The following MCTP1 variants were observed in gnomAD, a reference collection of about 807,000 sequenced individuals.
MCTP1 encodes multiple C2 and transmembrane domain-containing protein 1.
A neutral mutation model predicts 120.6 loss-of-function variants in MCTP1; 69 were observed. The ratio of observed to expected loss-of-function variants is 0.57; its 90% CI spans 0.47 to 0.70. The LOEUF (loss-of-function observed/expected upper bound fraction) is 0.70, where lower values mean the gene tolerates loss of function less well. Among genes scored for constraint, MCTP1 ranks in the 30% least tolerant of loss-of-function variants. The pLI is 0.00. For synonymous variants in MCTP1, 529 were observed against 493.1 expected (o/e 1.07, Z -0.96); for missense variants, 1,203 against 1,248.8 (o/e 0.96, Z 0.55).
chr5:94,988,739 G>A (rs982299478), intron 2 of MCTP1, among the ~76,000 whole-genome samples: 7 of 151,850 alleles, frequency 4.6e-5, no homozygotes, highest in African/African-American at 1.7e-4. Context: ...AGACATACCC[G>A]AGACTGGGGA....
Position 94,901,783 on chromosome 5 carries a change from A to G in MCTP1, c.1653-6948T>C, listed in dbSNP as rs1805616922. 2.0e-5 allele frequency among the ~76,000 whole-genome samples: 3 copies of G among 152,304 alleles called. No homozygotes were observed. In the South Asian group the frequency reaches 6.2e-4, roughly 32 times the overall value. ...TCTGCTGTCTCTGAACCAGTGACTC[A>G]TAACATTCCTTTCTAGATGAAACAG... On this transcript the variant is annotated intron_variant, in intron 10 of 22. Transcript: ENST00000515393.
intron 17 of MCTP1, among the ~76,000 whole-genome samples, chr5:94,831,995 G>T (rs74894459): frequency 0.011 from 1,639 of 152,256 alleles, 38 homozygotes; most frequent in African/African-American, 0.037. Flanking sequence ...ACGCTTCTAC[G>T]GAATCCTTTA....
At chr5:95,106,027 T>C (rs139048877) in intron 1 of MCTP1, among the ~76,000 whole-genome samples, 70 of 152,272 alleles carry the variant, frequency 4.6e-4, no homozygotes, top group African/African-American at 1.6e-3. Context: ...GTTTCAAACT[T>C]ATGGTATGTT....
At chr5:94,940,597 TAC>T (rs1203271440) in intron 4 of MCTP1, among the ~76,000 whole-genome samples, 1 of 144,482 alleles carries the variant, frequency 6.9e-6, no homozygotes, top group Admixed American at 6.9e-5. Context: ...TATATATATA[TAC>T]ACATATACAT....
At chr5:95,237,841 C>G (rs1755722704) in intron 1 of MCTP1, among the ~76,000 whole-genome samples, 1 of 151,908 alleles carries the variant, frequency 6.6e-6, no homozygotes, top group Non-Finnish European at 1.5e-5. Flanking sequence ...CTGCAAGTAG[C>G]CTAAGAAATA....
intron 1 of MCTP1, among the ~76,000 whole-genome samples, chr5:95,218,556 G>A (rs895001765): frequency 6.6e-6 from 1 of 152,158 alleles, no homozygotes; most frequent in Non-Finnish European, 1.5e-5. Flanking sequence ...TTTGGTACTA[G>A]TAGGCCTTTA....
At chr5:95,117,252 G>A (rs925143553) in intron 1 of MCTP1, among the ~76,000 whole-genome samples, 1 of 152,014 alleles carries the variant, frequency 6.6e-6, no homozygotes, top group African/African-American at 2.4e-5. Flanking sequence ...TTAGCTGGGT[G>A]TGGTGGCAGG....
rs530133635 is a variant in MCTP1 at position 95,129,381 on chromosome 5, C to T, written c.721-111897G>A. Among the ~76,000 whole-genome samples, 33 of 152,342 alleles carry T rather than the reference C, an allele frequency of 2.2e-4. No homozygotes were observed. In the South Asian group the frequency reaches 6.8e-3, roughly 32 times the overall value. On this transcript the variant is annotated intron_variant, in intron 1 of 22. Coordinates refer to ENST00000515393, the MANE Select transcript of MCTP1 (RefSeq NM_024717.7). ...TCATCACGCTTGGTCTTCATTTAGC[C>T]TCTGTCAAGAGTAGTTACCTAACCT... is the stretch of plus-strand genomic sequence containing the variant.
At chr5:94,798,965 C>T (rs1780635281) in intron 18 of MCTP1, 48 bp downstream of exon 18, 1 of 1,579,136 alleles carries the variant, frequency 6.3e-7, no homozygotes, top group South Asian at 1.2e-5. Context: ...GTCAGAGGGA[C>T]TCAGAATAAG....
chr5:94,730,754 T>C (rs937343434), intron 19 of MCTP1, among the ~76,000 whole-genome samples: 6 of 152,200 alleles, frequency 3.9e-5, no homozygotes, highest in Non-Finnish European at 5.9e-5. Flanking sequence ...TACTCATTCT[T>C]TGAGGCCTCT....
chr5:95,103,206 T>C (rs1756866098), intron 1 of MCTP1, among the ~76,000 whole-genome samples: 1 of 151,992 alleles, frequency 6.6e-6, no homozygotes, highest in South Asian at 2.1e-4. Context: ...AAGTAGAAAA[T>C]AAAGCCTAAT....
chr5:94,929,502 A>T (rs1813992477), intron 6 of MCTP1: 2 of 322,268 alleles, frequency 6.2e-6, no homozygotes, highest in South Asian at 2.5e-4. Context: ...ATTTCCAAAA[A>T]TAAAAAACGA....
In MCTP1 at chr5:95,259,805, C is replaced by T. The variant is rs567028206; in HGVS notation, c.720+24051G>A. Among the ~76,000 whole-genome samples the T allele has an allele frequency of 1.1e-4, 17 of 152,276 alleles. No homozygotes were observed. In the East Asian group the frequency reaches 2.5e-3, roughly 22 times the overall value. On this transcript the variant is annotated intron_variant, in intron 1 of 22. Coordinates refer to ENST00000515393, the MANE Select transcript of MCTP1 (RefSeq NM_024717.7). ...CTCCCCTGCCACCGGTACAATCCTG[C>T]TTCAGCAAAAAATTAAAATATTAAG...
intron 19 of MCTP1, among the ~76,000 whole-genome samples, chr5:94,734,051 T>C (rs1271275997): frequency 6.6e-6 from 1 of 152,222 alleles, no homozygotes; most frequent in Non-Finnish European, 1.5e-5. Flanking sequence ...ATTCTAGTTC[T>C]GTGATCTCTC....
chr5:95,100,985 G>A (rs1339603753), intron 1 of MCTP1, among the ~76,000 whole-genome samples: 2 of 152,114 alleles, frequency 1.3e-5, no homozygotes, highest in African/African-American at 2.4e-5. Context: ...TCTGTTGCAG[G>A]GAAAACACAA....
chr5:95,220,136 G>C (rs551258027), intron 1 of MCTP1, among the ~76,000 whole-genome samples: 1 of 152,280 alleles, frequency 6.6e-6, no homozygotes, highest in East Asian at 1.9e-4. Context: ...GGCTAAATTA[G>C]AGCTGAGGTT....
intron 5 of MCTP1, among the ~76,000 whole-genome samples, chr5:94,937,126 C>T (rs1816390412): frequency 6.6e-6 from 1 of 152,048 alleles, no homozygotes; most frequent in Admixed American, 6.6e-5. Context: ...GGTTGAGCCA[C>T]TTGCTTCTCT....
intron 12 of MCTP1, among the ~76,000 whole-genome samples, chr5:94,873,625 C>T (rs1798234580): frequency 6.6e-6 from 1 of 151,970 alleles, no homozygotes; most frequent in Non-Finnish European, 1.5e-5. Context: ...TCAGCCCCTT[C>T]ACTCTAAGGC....
chr5:94,711,082 A>C (rs148857446), intron 20 of MCTP1, among the ~76,000 whole-genome samples, 155 bp from the exon 21 acceptor site: 361 of 152,258 alleles, frequency 2.4e-3, no homozygotes, highest in African/African-American at 8.5e-3. Context: ...CAGGCTAGCC[A>C]TAATCTGCTC....
Sources: gnomAD v4.1 joint callset for allele counts (sites outside exome capture counted in the v4.1 genomes callset) on GRCh38, gnomAD v4.1.1 for gene constraint, MANE v1.5 for transcripts, NCBI Gene and HGNC (gene_info 2026-07-23, HGNC 2026-07-21) for gene names.